Variants in BCLAF3 observed in about 807,000 individuals in gnomAD.
BCLAF3 encodes BCLAF1 and THRAP3 family member 3, also known as transient octamer binding factor 1.
A neutral mutation model predicts 51.2 loss-of-function variants in BCLAF3; 24 were observed. That is an observed-to-expected ratio of 0.47 (90% confidence interval 0.34 to 0.66). The LOEUF (loss-of-function observed/expected upper bound fraction) is 0.66, where lower values mean the gene tolerates loss of function less well. BCLAF3 is among the 30% of genes least tolerant of loss of function. The pLI is 0.01. For missense variants in BCLAF3, 465 were observed against 525.1 expected (o/e 0.89, Z 1.12); for synonymous variants, 152 against 176.6 (o/e 0.86, Z 1.10).
chrX:19,972,885 T>C (rs2072301478), intron 1 of BCLAF3, among the ~76,000 whole-genome samples: 2 of 112,469 alleles, frequency 1.8e-5, no homozygotes, highest in African/African-American at 6.5e-5. Context: ...CACCTCTCCA[T>C]GCACATTTGG....
intron 8 of BCLAF3, among the ~76,000 whole-genome samples, chrX:19,950,248 C>CCT (rs1465981893): frequency 7.1e-5 from 8 of 111,892 alleles, no homozygotes; most frequent in African/African-American, 2.3e-4. Flanking sequence ...ACTACACCTG[C>CCT]CTCAATTTCA....
intron 10 of BCLAF3, among the ~76,000 whole-genome samples, chrX:19,932,102 C>CT (rs972116107): frequency 9.0e-6 from 1 of 111,492 alleles, no homozygotes; most frequent in Non-Finnish European, 1.9e-5. Context: ...AATGTGTGTT[C>CT]TTTTTTTTAA....
chrX:19,960,635 T>A (rs992095120), intron 4 of BCLAF3, among the ~76,000 whole-genome samples: 2 of 111,919 alleles, frequency 1.8e-5, no homozygotes, highest in Admixed American at 1.9e-4. Context: ...ACCTGCATCT[T>A]ATTTTGCCTC....
chrX:19,936,824 C>T (rs975628719), intron 9 of BCLAF3, among the ~76,000 whole-genome samples: 7 of 110,830 alleles, frequency 6.3e-5, no homozygotes, highest in Non-Finnish European at 1.3e-4. Flanking sequence ...AGGGGAGTAA[C>T]GAAACAGGCA....
chrX:19,937,373 G>A, intron 9 of BCLAF3, 45 bp downstream of exon 9: 2 of 641,225 alleles, frequency 3.1e-6, no homozygotes, highest in Non-Finnish European at 5.1e-6. Context: ...ATGTATTGGA[G>A]AAGAAGAAAT....
chrX:19,970,402 T>G, intron 1 of BCLAF3, 104 bp from the exon 2 acceptor site: 1 of 601,354 alleles, frequency 1.7e-6, no homozygotes, highest in Non-Finnish European at 2.7e-6. Flanking sequence ...TGCCTCAGCT[T>G]CCTCATCTCT....
At chrX:19,952,236 A>G (rs745873339) in intron 7 of BCLAF3, among the ~76,000 whole-genome samples, 9 of 112,031 alleles carry the variant, frequency 8.0e-5, no homozygotes, top group African/African-American at 1.3e-4. Flanking sequence ...ACCTATCTCC[A>G]TAAGTTCAGC....
In BCLAF3 at chrX:19,914,726, C is replaced by T; in HGVS notation, c.*2579G>A. The stretch of plus-strand genomic sequence containing the variant: ...GTTGAAGTAACTCTAGATTCACATG[C>T]AGCTATAAAAGAAATAATACAGAGA... On this transcript the variant is annotated 3_prime_UTR_variant, in exon 12 of 12. Coordinates refer to ENST00000379682, the MANE Select transcript of BCLAF3 (RefSeq NM_001367774.2). The T allele has an allele frequency of 9.0e-6, 1 of 111,295 alleles. No homozygotes were observed. Among genetic ancestry groups the T allele is most frequent in the East Asian group, 2.8e-4 (1 of 3,560 alleles). 9.2% of individuals were successfully genotyped at this position (111,295 alleles called of 1,213,427 possible).
intron 11 of BCLAF3, among the ~76,000 whole-genome samples, chrX:19,926,426 C>T (rs933145570): frequency 2.7e-5 from 3 of 111,449 alleles, no homozygotes; most frequent in Admixed American, 9.6e-5. Flanking sequence ...TTTCTATTTG[C>T]TGTGAAGCGG....
At position 19,937,411 on chromosome X, in the gene BCLAF3, A is replaced by C. The variant is rs1234517085; in HGVS notation, c.1860+7T>G. 1 of 1,041,064 alleles carries C rather than the reference A, an allele frequency of 9.6e-7. No individual in the cohort carries two copies. The highest frequency in any genetic ancestry group is 1.3e-6 in the Non-Finnish European group (1 of 746,732). The allele number at this position is 1,041,064 out of a possible 1,213,427, so 85.8% of individuals were successfully genotyped here. On this transcript the variant is annotated splice_region_variant and intron_variant, in intron 9 of 11. Coordinates refer to ENST00000379682, the MANE Select transcript of BCLAF3 (RefSeq NM_001367774.2). ...TAAAAATGCAAATTTTGGAACTGCA[A>C]TCTTACCATGTAAGGTTTTTCAATA...
At chrX:19,959,744 T>A (rs2071790014) in intron 4 of BCLAF3, among the ~76,000 whole-genome samples, 1 of 110,066 alleles carries the variant, frequency 9.1e-6, no homozygotes, top group South Asian at 4.0e-4. Flanking sequence ...CACCACTGCA[T>A]CCAGCTTGGG....
chrX:19,983,013 G>A (rs1351172631), intron 1 of BCLAF3, among the ~76,000 whole-genome samples: 7 of 98,372 alleles, frequency 7.1e-5, no homozygotes, highest in Admixed American at 1.1e-4. Flanking sequence ...GGACTGCAGC[G>A]GCACCATCTC....
intron 10 of BCLAF3, among the ~76,000 whole-genome samples, chrX:19,931,683 G>A (rs2070563577): frequency 8.9e-6 from 1 of 112,027 alleles, no homozygotes; most frequent in African/African-American, 3.2e-5. Flanking sequence ...GTGACCCAGC[G>A]TCCTCTCTCA....
chrX:19,974,812 G>T (rs1366166512), intron 1 of BCLAF3, among the ~76,000 whole-genome samples: 1 of 110,966 alleles, frequency 9.0e-6, no homozygotes. Flanking sequence ...AACCCGGGGG[G>T]CGGAGGTTAC....
chrX:19,920,966 AAAAGG>A, intron 11 of BCLAF3, among the ~76,000 whole-genome samples: 1 of 111,895 alleles, frequency 8.9e-6, no homozygotes. Context: ...AGTGGGTCCT[AAAAGG>A]AAAGTAGGGT....
rs1201761684 is a variant in BCLAF3 at position 19,915,508 on chromosome X, A to G, written c.*1797T>C. 1 of 112,369 alleles carries G rather than the reference A, an allele frequency of 8.9e-6. No homozygotes were observed. The highest frequency in any genetic ancestry group is 3.2e-5 in the African/African-American group (1 of 30,949). The allele number at this position is 112,369 out of a possible 1,213,427, so 9.3% of individuals were successfully genotyped here. On this transcript the variant is annotated 3_prime_UTR_variant, in exon 12 of 12. Coordinates refer to ENST00000379682, the MANE Select transcript of BCLAF3 (RefSeq NM_001367774.2). ...TGCCAAAAGAATATCCAAATAGGGAATCAGTTGTGGAATGAATAATAGTAA... is the reference window on the plus strand; with the variant it reads ...TGCCAAAAGAATATCCAAATAGGGAGTCAGTTGTGGAATGAATAATAGTAA...
At chrX:19,947,154 T>C (rs762861135) in intron 8 of BCLAF3, among the ~76,000 whole-genome samples, 90 of 112,543 alleles carry the variant, frequency 8.0e-4, no homozygotes, top group Admixed American at 2.5e-3. Flanking sequence ...TACTTCAGTA[T>C]AGATTATGAC....
intron 10 of BCLAF3, 182 bp downstream of exon 10, chrX:19,935,627 G>A (rs1275258764): frequency 5.1e-6 from 2 of 391,325 alleles, no homozygotes; most frequent in African/African-American, 2.5e-5. Context: ...TGAAAATCAA[G>A]TCCTAAGGAA....
chrX:19,928,759 C>T (rs75940180), intron 11 of BCLAF3, among the ~76,000 whole-genome samples: 2 of 111,179 alleles, frequency 1.8e-5, no homozygotes, highest in African/African-American at 3.3e-5. Flanking sequence ...AGAAGGAAAT[C>T]CTGTCATTTA....
Sources: allele counts gnomAD v4.1 joint callset (sites outside exome capture counted in the v4.1 genomes callset), GRCh38; gene constraint gnomAD v4.1.1; transcripts MANE v1.5; gene names NCBI Gene and HGNC (gene_info 2026-07-23, HGNC 2026-07-21).